The following DCDC2C variants were observed in gnomAD, a reference collection of about 807,000 sequenced individuals.
DCDC2C encodes the protein doublecortin domain containing 2C.
A neutral mutation model predicts 45.0 loss-of-function variants in DCDC2C; 44 were observed. That is an observed-to-expected ratio of 0.98 (90% CI 0.77 to 1.26). DCDC2C has a LOEUF of 1.26. Among genes scored for constraint, DCDC2C ranks in the 50% most tolerant of loss-of-function variants. The pLI is 0.00. For missense variants in DCDC2C, 447 were observed against 468.9 expected, an observed-to-expected ratio of 0.95 and a Z score of 0.43; for synonymous variants, 187 against 178.8, an observed-to-expected ratio of 1.05 and a Z score of -0.37.
At chr2:3,813,291 C>T (rs997871745) in intron 10 of DCDC2C, among the ~76,000 whole-genome samples, 9 of 151,738 alleles carry the variant, frequency 5.9e-5, no homozygotes, top group East Asian at 1.9e-4. Context: ...AAGATGGTCT[C>T]GATCTGACCT....
chr2:3,844,893 CAT>C (rs1325673370), intron 10 of DCDC2C, among the ~76,000 whole-genome samples: 1 of 152,164 alleles, frequency 6.6e-6, no homozygotes, highest in Non-Finnish European at 1.5e-5. Context: ...GCGAACGGCA[CAT>C]GTTTACATAG....
chr2:3,844,609 A>G (rs900634281), intron 10 of DCDC2C: 1 of 152,290 alleles, frequency 6.6e-6, no homozygotes, highest in Non-Finnish European at 1.5e-5. Flanking sequence ...AAATGAAAAT[A>G]AAAGCGGACA....
chr2:3,830,212 T>A (rs1355357759), intron 10 of DCDC2C, among the ~76,000 whole-genome samples: 1 of 152,224 alleles, frequency 6.6e-6, no homozygotes, highest in Non-Finnish European at 1.5e-5. Context: ...CCTAAATGCA[T>A]CTCTGCAGTT....
intron 9 of DCDC2C, among the ~76,000 whole-genome samples, chr2:3,783,205 G>T (rs139464119): frequency 1.3e-5 from 2 of 152,206 alleles, no homozygotes; most frequent in South Asian, 4.1e-4. Flanking sequence ...GTAATTTTGT[G>T]TATTCAATAA....
rs1356129177 is a variant in DCDC2C, at chr2:3,739,267, A to C, written c.417-2653A>C. ...AGTGTAGTCCCTTTAAATGATACAGAAGGGGGAAGGGAACTGCTGGGGACA... is the reference window on the plus strand; with the variant it reads ...AGTGTAGTCCCTTTAAATGATACAGCAGGGGGAAGGGAACTGCTGGGGACA... On this transcript the variant is annotated intron_variant, in intron 3 of 10. Coordinates refer to ENST00000399143, the MANE Select transcript of DCDC2C (RefSeq NM_001287444.2). 3.3e-5 allele frequency among the ~76,000 whole-genome samples: 5 copies of C among 152,140 alleles called. No individual in the cohort carries two copies. In the East Asian group the frequency reaches 9.6e-4, roughly 29 times the overall value.
Position 3,847,273 on chromosome 2 carries a change from C to A in DCDC2C, c.*90C>A. 1 of 950,424 alleles carries A rather than the reference C, an allele frequency of 1.1e-6. No individual in the cohort carries two copies. Among genetic ancestry groups the A allele is most frequent in the Non-Finnish European group, 1.4e-6 (1 of 731,858 alleles). The allele number at this position is 950,424 out of a possible 1,614,324, so 58.9% of individuals were successfully genotyped here. On this transcript the variant is annotated 3_prime_UTR_variant, in exon 11 of 11. Coordinates refer to ENST00000399143, the MANE Select transcript of DCDC2C (RefSeq NM_001287444.2). Reference sequence around the variant, plus strand: ...ATGGACATTTTAACAGCAAGAAAATCACATGTGGGGTGAAACTAAAGCCCC... The same window carrying A: ...ATGGACATTTTAACAGCAAGAAAATAACATGTGGGGTGAAACTAAAGCCCC...
chr2:3,767,970 C>G (rs1194524155), intron 7 of DCDC2C, 90 bp downstream of exon 7: 6 of 1,282,280 alleles, frequency 4.7e-6, no homozygotes, highest in Non-Finnish European at 6.1e-6. Flanking sequence ...AAATCTTATA[C>G]TCCAGAAATA....
chr2:3,817,810 G>C (rs761467909), intron 10 of DCDC2C, among the ~76,000 whole-genome samples: 1 of 152,166 alleles, frequency 6.6e-6, no homozygotes, highest in Non-Finnish European at 1.5e-5. Context: ...GAAAGGAGTG[G>C]CTAAAGGATT....
intron 6 of DCDC2C, among the ~76,000 whole-genome samples, chr2:3,756,608 C>T (rs367965082): frequency 2.0e-4 from 31 of 152,374 alleles, no homozygotes; most frequent in African/African-American, 3.1e-4. Context: ...ACTAATGCAG[C>T]GTGGTGTTGT....
At chr2:3,819,778 C>G (rs1011613833) in intron 10 of DCDC2C, among the ~76,000 whole-genome samples, 2 of 152,148 alleles carry the variant, frequency 1.3e-5, no homozygotes, top group African/African-American at 4.8e-5. Context: ...GAGCATTAAC[C>G]TTGACTATGC....
In DCDC2C at chr2:3,846,352, C is replaced by T. The variant is rs1387176617; in HGVS notation, c.1066-802C>T. Reference sequence around the variant, plus strand: ...TGGAGTGCAGTGCCACAATGACAGTCTCAAGCATCCTCCCACCTCAGCCTC... The same window carrying T: ...TGGAGTGCAGTGCCACAATGACAGTTTCAAGCATCCTCCCACCTCAGCCTC... On this transcript the variant is annotated intron_variant, in intron 10 of 10. Transcript: ENST00000399143. Among the ~76,000 whole-genome samples the T allele has an allele frequency of 2.0e-5, 3 of 151,960 alleles. No individual in the cohort carries two copies. The East Asian group carries it at 5.8e-4, about 29-fold the overall frequency.
At chr2:3,787,592 G>T (rs1298489732) in intron 10 of DCDC2C, among the ~76,000 whole-genome samples, 1 of 152,160 alleles carries the variant, frequency 6.6e-6, no homozygotes, top group Admixed American at 6.5e-5. Context: ...ATTTTTAAAT[G>T]AAATTTTCTC....
intron 10 of DCDC2C, among the ~76,000 whole-genome samples, chr2:3,811,830 G>A (rs1484292487): frequency 6.6e-6 from 1 of 152,130 alleles, no homozygotes; most frequent in Non-Finnish European, 1.5e-5. Context: ...TGCATCTATT[G>A]AGATAATCAC....
intron 2 of DCDC2C, among the ~76,000 whole-genome samples, chr2:3,715,834 G>A (rs1458989166): frequency 9.2e-5 from 14 of 152,202 alleles, no homozygotes; most frequent in Admixed American, 9.2e-4. Flanking sequence ...TTCAGGTGGT[G>A]AGACAGATAA....
chr2:3,774,836 A>G (rs1670285502), intron 8 of DCDC2C, among the ~76,000 whole-genome samples: 1 of 151,512 alleles, frequency 6.6e-6, no homozygotes, highest in Non-Finnish European at 1.5e-5. Flanking sequence ...ACACAATCTC[A>G]GCTCACTGCA....
At chr2:3,704,730 GA>G (rs1356753290) in intron 1 of DCDC2C, among the ~76,000 whole-genome samples, 1 of 128,240 alleles carries the variant, frequency 7.8e-6, no homozygotes, top group African/African-American at 2.9e-5. Flanking sequence ...GCGTGGGGGG[GA>G]GGGGCGTGGG....
chr2:3,730,575 G>A (rs777774674), intron 3 of DCDC2C, among the ~76,000 whole-genome samples: 14 of 152,124 alleles, frequency 9.2e-5, no homozygotes, highest in East Asian at 5.8e-4. Flanking sequence ...AGCAAAGGCA[G>A]CCCCCGCCCC....
chr2:3,784,971 G>C, intron 9 of DCDC2C, 88 bp from the exon 10 acceptor site: 12 of 988,382 alleles, frequency 1.2e-5, no homozygotes, highest in Non-Finnish European at 1.6e-5. Context: ...CTCCCTGAGA[G>C]GCAGAGTAGA....
At chr2:3,722,964 G>A (rs1211097853) in intron 2 of DCDC2C, among the ~76,000 whole-genome samples, 1 of 152,170 alleles carries the variant, frequency 6.6e-6, no homozygotes, top group Non-Finnish European at 1.5e-5. Flanking sequence ...CATGGCATTA[G>A]TTTTGTTACC....
Sources: gnomAD v4.1 joint callset for allele counts (sites outside exome capture counted in the v4.1 genomes callset) on GRCh38, gnomAD v4.1.1 for gene constraint, MANE v1.5 for transcripts, NCBI Gene and HGNC (gene_info 2026-07-23, HGNC 2026-07-21) for gene names.